The following CADM2 variants were observed in gnomAD, a reference collection of about 807,000 sequenced individuals.
The protein encoded by CADM2 is immunoglobulin superfamily member 4D.
In CADM2, 12 loss-of-function variants were observed where a neutral mutation model predicts 49.8. That is an observed-to-expected ratio of 0.24 (90% CI 0.15 to 0.39). The LOEUF (loss-of-function observed/expected upper bound fraction) is 0.39, where lower values mean the gene tolerates loss of function less well. Ranked by LOEUF, CADM2 falls within the 10% of genes least tolerant of loss-of-function variation. CADM2 has a pLI of 1.00. For missense variants in CADM2, 378 were observed against 492.3 expected (o/e 0.77, Z 2.20); for synonymous variants, 214 against 175.4 (o/e 1.22, Z -1.74).
intron 1 of CADM2, among the ~76,000 whole-genome samples, chr3:85,001,087 A>G (rs2033439511): frequency 1.3e-5 from 2 of 152,104 alleles, no homozygotes; most frequent in African/African-American, 4.8e-5. Context: ...TGGGGTTTCA[A>G]AATTTAATTA....
At chr3:85,515,321 C>T (rs1370495402) in intron 1 of CADM2, among the ~76,000 whole-genome samples, 1 of 151,804 alleles carries the variant, frequency 6.6e-6, no homozygotes, top group South Asian at 2.1e-4. Context: ...ATTAGATTTT[C>T]GAAGATAACA....
intron 1 of CADM2, among the ~76,000 whole-genome samples, chr3:84,977,991 C>T (rs2031938358): frequency 6.6e-6 from 1 of 151,966 alleles, no homozygotes; most frequent in Admixed American, 6.6e-5. Flanking sequence ...AGAATAAAGG[C>T]ATTTGCAAAA....
chr3:85,676,859 T>G (rs1211217730), intron 1 of CADM2, among the ~76,000 whole-genome samples: 2 of 152,158 alleles, frequency 1.3e-5, no homozygotes, highest in East Asian at 1.9e-4. Flanking sequence ...ACACACACCT[T>G]TTGAAAAATC....
At chr3:85,545,447 C>G (rs1430593203) in intron 1 of CADM2, among the ~76,000 whole-genome samples, 1 of 152,110 alleles carries the variant, frequency 6.6e-6, no homozygotes, top group African/African-American at 2.4e-5. Context: ...AGCCCAAGGT[C>G]AAATAGTTGG....
At chr3:85,862,225 G>A (rs963475421) in intron 3 of CADM2, among the ~76,000 whole-genome samples, 4 of 151,916 alleles carry the variant, frequency 2.6e-5, no homozygotes, top group African/African-American at 9.7e-5. Flanking sequence ...GACCATTTTG[G>A]TCCTCTCAAT....
chr3:85,538,167 T>A (rs2061464478), intron 1 of CADM2, among the ~76,000 whole-genome samples: 1 of 152,156 alleles, frequency 6.6e-6, no homozygotes, highest in Non-Finnish European at 1.5e-5. Context: ...ATATTTAACA[T>A]ATTAAACAGG....
At chr3:85,331,463 A>G (rs968481073) in intron 1 of CADM2, among the ~76,000 whole-genome samples, 5 of 151,690 alleles carry the variant, frequency 3.3e-5, no homozygotes, top group African/African-American at 1.2e-4. Flanking sequence ...TGGTTTTCTC[A>G]TGACTCTATT....
At chr3:85,012,266 C>T (rs960695601) in intron 1 of CADM2, among the ~76,000 whole-genome samples, 5 of 150,962 alleles carry the variant, frequency 3.3e-5, no homozygotes, top group African/African-American at 1.2e-4. Context: ...ATGCAGTAAA[C>T]TTGAAAGCTT....
intron 1 of CADM2, among the ~76,000 whole-genome samples, chr3:84,973,399 G>A (rs945683781): frequency 1.3e-5 from 2 of 151,698 alleles, no homozygotes; most frequent in African/African-American, 2.4e-5. Context: ...TCCTCCAGTC[G>A]TTTATCCTGA....
chr3:85,771,993 AT>A (rs1365626164), intron 2 of CADM2, among the ~76,000 whole-genome samples: 1 of 126,950 alleles, frequency 7.9e-6, no homozygotes, highest in Non-Finnish European at 1.7e-5. Context: ...GTAGTATTGT[AT>A]TTTTTCTTTC....
chr3:85,894,063 C>T (rs1255312413), intron 5 of CADM2, among the ~76,000 whole-genome samples: 4 of 152,156 alleles, frequency 2.6e-5, no homozygotes, highest in Non-Finnish European at 5.9e-5. Flanking sequence ...TTTATTGCGG[C>T]ACTATTCACG....
At chr3:85,742,199 G>A (rs1416714742) in intron 2 of CADM2, among the ~76,000 whole-genome samples, 1 of 152,178 alleles carries the variant, frequency 6.6e-6, no homozygotes, top group African/African-American at 2.4e-5. Context: ...GTCAGAAATA[G>A]CACTGTGGCA....
intron 7 of CADM2, among the ~76,000 whole-genome samples, chr3:85,943,895 A>G (rs770983664): frequency 1.4e-4 from 21 of 152,062 alleles, no homozygotes; most frequent in Non-Finnish European, 2.1e-4. Flanking sequence ...TAACATCAAA[A>G]TGACAGGATC....
intron 1 of CADM2, among the ~76,000 whole-genome samples, chr3:85,312,048 T>C (rs2044358092): frequency 1.3e-5 from 2 of 152,166 alleles, no homozygotes; most frequent in South Asian, 4.1e-4. Context: ...ATTATTTTTT[T>C]TAAAGGCCTC....
chr3:85,448,516 G>A (rs2037583653), intron 1 of CADM2, among the ~76,000 whole-genome samples: 1 of 151,800 alleles, frequency 6.6e-6, no homozygotes, highest in South Asian at 2.1e-4. Flanking sequence ...AATAAAATAC[G>A]GCACTGTGGC....
At chr3:85,699,012 G>A (rs2066660130) in intron 1 of CADM2, among the ~76,000 whole-genome samples, 2 of 152,154 alleles carry the variant, frequency 1.3e-5, no homozygotes, top group Non-Finnish European at 2.9e-5. Context: ...CAGGCATTGG[G>A]TAAATACTCC....
At chr3:85,804,822 A>G (rs893314960) in intron 3 of CADM2, among the ~76,000 whole-genome samples, 1 of 152,098 alleles carries the variant, frequency 6.6e-6, no homozygotes, top group African/African-American at 2.4e-5. Flanking sequence ...TTTCTGAGGG[A>G]TAATTATGAG....
chr3:85,619,399 G>GA (rs949288507), intron 1 of CADM2, among the ~76,000 whole-genome samples: 1 of 151,576 alleles, frequency 6.6e-6, no homozygotes, highest in Admixed American at 6.6e-5. Flanking sequence ...GGGAAAGAAG[G>GA]AAAAAAAATA....
chr3:85,012,480 A>C (rs1421426858), intron 1 of CADM2, among the ~76,000 whole-genome samples: 1 of 149,578 alleles, frequency 6.7e-6, no homozygotes, highest in Non-Finnish European at 1.5e-5. Context: ...ATGACATTTA[A>C]ATATATGTAT....
Sources: gnomAD v4.1 joint callset for allele counts (sites outside exome capture counted in the v4.1 genomes callset) on GRCh38, gnomAD v4.1.1 for gene constraint, MANE v1.5 for transcripts, NCBI Gene and HGNC (gene_info 2026-07-23, HGNC 2026-07-21) for gene names.